COL9A3: variants seen among roughly 807,000 people sequenced by gnomAD.
The protein encoded by COL9A3 is collagen alpha-3(IX) chain.
In COL9A3, 82 loss-of-function variants were observed where a neutral mutation model predicts 110.2. The observed-to-expected ratio is 0.74, with a 90% CI of 0.62 to 0.89. The LOEUF is 0.89. Ranked by LOEUF, COL9A3 falls within the 40% of genes least tolerant of loss-of-function variation. COL9A3 has a pLI of 0.00. For missense variants in COL9A3, 1,066 were observed against 981.3 expected, an observed-to-expected ratio of 1.09 and a Z score of -1.15; for synonymous variants, 494 against 403.8, an observed-to-expected ratio of 1.22 and a Z score of -2.68.
intron 26 of COL9A3, among the ~76,000 whole-genome samples, chr20:62,834,155 C>T (rs546712028): frequency 4.6e-5 from 7 of 151,822 alleles, no homozygotes; most frequent in African/African-American, 1.2e-4. Flanking sequence ...ATTACAGGTA[C>T]GAGCCACCGC....
rs1236764862 is a variant in COL9A3, at chr20:62,824,498, C to A, written c.573C>A (p.Phe191Leu). The A allele has an allele frequency of 6.3e-7, 1 of 1,592,716 alleles. No homozygotes were observed. Among genetic ancestry groups the A allele is most frequent in the Non-Finnish European group, 8.5e-7 (1 of 1,170,332 alleles). Reference sequence around the variant, plus strand: ...CAGGGCCCCCTGGAATGCCAGGGTTCAAGGTGAGTCACGGGTGACTGGGAC... The same window carrying A: ...CAGGGCCCCCTGGAATGCCAGGGTTAAAGGTGAGTCACGGGTGACTGGGAC... ...GPPGPPGMPG[F>L]KGPTGYKGEQ... Residue 191 changes from phenylalanine to leucine, a missense_variant, in exon 11 of 32, where the codon TTC becomes TTA. Physicochemically the swap from Phe to Leu is conservative, Grantham distance 22 (BLOSUM62 0). Coordinates refer to ENST00000649368, the MANE Select transcript of COL9A3 (RefSeq NM_001853.4).
At position 62,836,308 on chromosome 20, in the gene COL9A3, G is replaced by A. The variant is rs1373430072; in HGVS notation, c.1523G>A (p.Gly508Asp). The A allele has an allele frequency of 1.9e-6, 3 of 1,613,778 alleles. No homozygotes were observed. The highest frequency in any genetic ancestry group is 2.5e-6 in the Non-Finnish European group (3 of 1,180,028). The change falls in exon 28 of 32, where the codon GGC becomes GAC. Residue 508 changes from glycine (G) to aspartate (D), a missense_variant. Physicochemically the swap from Gly to Asp is moderately conservative, Grantham distance 94 (BLOSUM62 -1). Transcript: ENST00000649368. ...CTGCAGGGCGTCCCGGGTGTTCCTGGCATCACGGGGAAGCCGGGAGTTCCG... is the reference window on the plus strand; with the variant it reads ...CTGCAGGGCGTCCCGGGTGTTCCTGACATCACGGGGAAGCCGGGAGTTCCG... ...LGLQGVPGVPGITGKPGVPGK... is the reference protein window; with the variant it reads ...LGLQGVPGVPDITGKPGVPGK...
intron 17 of COL9A3, 68 bp downstream of exon 17, chr20:62,828,044 C>G: frequency 1.3e-6 from 2 of 1,534,996 alleles, no homozygotes; most frequent in East Asian, 2.3e-5. Context: ...GTGGAGATGG[C>G]ATTCAGAAGG....
chr20:62,840,400 C>T (rs2063667568), intron 31 of COL9A3, 142 bp from the exon 32 acceptor site: 4 of 825,374 alleles, frequency 4.8e-6, no homozygotes, highest in East Asian at 2.5e-5. Flanking sequence ...GTGCCGTTCC[C>T]TCGGCCTCCC....
At chr20:62,820,132 G>A (rs1991071597) in intron 5 of COL9A3, 150 bp downstream of exon 5, 3 of 892,446 alleles carry the variant, frequency 3.4e-6, no homozygotes, top group Admixed American at 2.0e-5. Flanking sequence ...AGAAGGGCAG[G>A]GTGCCAAGTG....
chr20:62,819,209 T>C lies in COL9A3; in HGVS notation c.184-13T>C, dbSNP rs1182352940. On this transcript the variant is annotated splice_polypyrimidine_tract_variant and intron_variant, in intron 3 of 31. Coordinates refer to ENST00000649368, the MANE Select transcript of COL9A3 (RefSeq NM_001853.4). Reference sequence around the variant, plus strand: ...ACCCCGCCTTCACATCTCTGCCCTTTCCTCCTGCACAGGGACCAAAGGGGG... The same window carrying C: ...ACCCCGCCTTCACATCTCTGCCCTTCCCTCCTGCACAGGGACCAAAGGGGG... 6.2e-7 allele frequency: 1 copy of C among 1,612,398 alleles called. No individual in the cohort carries two copies.
At chr20:62,817,894 G>A (rs960348228) in intron 2 of COL9A3, 6 of 617,466 alleles carry the variant, frequency 9.7e-6, no homozygotes, top group Non-Finnish European at 1.2e-5. Context: ...GTCCCCTGAG[G>A]GGCCCGTGCC....
intron 22 of COL9A3, 150 bp downstream of exon 22, chr20:62,829,969 C>T: frequency 7.0e-6 from 7 of 993,114 alleles, no homozygotes; most frequent in Non-Finnish European, 1.0e-5. Context: ...GGGGCCCCAT[C>T]TTCTTGTCCC....
Position 62,836,265 on chromosome 20 carries a change from C to T in COL9A3, c.1480C>T (p.Pro494Ser), listed in dbSNP as rs747039261. The T allele has an allele frequency of 3.7e-6, 6 of 1,613,540 alleles. No individual in the cohort carries two copies. Among genetic ancestry groups the T allele is most frequent in the East Asian group, 2.2e-5 (1 of 44,882 alleles). The change falls in exon 28 of 32, where the codon CCC (proline) becomes TCC (serine). Residue 494 changes from proline (P) to serine (S), a missense_variant. By Grantham distance (74) the Pro-to-Ser change is moderately conservative. Transcript: ENST00000649368. ...GTSGVQGVPGPPGPLGLQGVP... is the reference protein window; with the variant it reads ...GTSGVQGVPGSPGPLGLQGVP... ...CAGCGGTGTTCAGGGTGTCCCCGGG[C>T]CCCCCGGTCCTCTGGGCCTGCAGGG...
intron 4 of COL9A3, among the ~76,000 whole-genome samples, chr20:62,819,726 G>T (rs752095733): frequency 2.6e-5 from 4 of 152,172 alleles, no homozygotes; most frequent in African/African-American, 9.7e-5. Context: ...CTGGCTTCCC[G>T]CTGGCTGCCC....
intron 4 of COL9A3, 40 bp from the exon 5 acceptor site, chr20:62,819,889 C>T: frequency 6.2e-7 from 1 of 1,611,698 alleles, no homozygotes; most frequent in Non-Finnish European, 8.5e-7. Context: ...GCATGTGCTT[C>T]CCATGTGGCC....
rs1015948950 is a variant in COL9A3 at position 62,831,831 on chromosome 20, C to G, written c.1288-323C>G. The G allele has an allele frequency of 7.5e-5, 33 of 441,924 alleles. 1 individual carries two copies. Among genetic ancestry groups the G allele is most frequent in the Non-Finnish European group, 1.4e-4 (33 of 236,486 alleles). 27.4% of individuals were successfully genotyped at this position (441,924 alleles called of 1,614,324 possible). A position where few individuals can be genotyped will look rare whatever the true frequency, so the allele number is the denominator to read the frequency against. The stretch of plus-strand genomic sequence containing the variant: ...TGCCGGGGGAAGGTGATTAGATGAG[C>G]TTTTGCATCTTTGACTCTACTGTGA... On this transcript the variant is annotated intron_variant, in intron 24 of 31. Transcript: ENST00000649368.
At chr20:62,835,149 C>T (rs1040752354) in intron 26 of COL9A3, among the ~76,000 whole-genome samples, 1 of 152,260 alleles carries the variant, frequency 6.6e-6, no homozygotes, top group East Asian at 1.9e-4. Flanking sequence ...TGGGCCCGGT[C>T]GGTCCCTCTG....
At position 62,840,532 on chromosome 20, in the gene COL9A3, C is replaced by G. The variant is rs556939534; in HGVS notation, c.1865-10C>G. On this transcript the variant is annotated splice_polypyrimidine_tract_variant and intron_variant, in intron 31 of 31. Transcript: ENST00000649368. ...CTGCAGCTGAACTCACCTTTCTGCT[C>G]TGTCCCAAGGACCCCAAGGCGTGCC... 17 of 1,611,120 alleles carry G rather than the reference C, an allele frequency of 1.1e-5. No individual in the cohort carries two copies. The South Asian group carries it at 1.5e-4, about 15-fold the overall frequency.
chr20:62,828,253 C>T lies in COL9A3; in HGVS notation c.900+277C>T, dbSNP rs548442780. Among the ~76,000 whole-genome samples, 7 of 152,312 alleles carry T rather than the reference C, an allele frequency of 4.6e-5. No individual in the cohort carries two copies. In the South Asian group the frequency reaches 1.2e-3, roughly 27 times the overall value. On this transcript the variant is annotated intron_variant, in intron 17 of 31. Transcript: ENST00000649368. ...GCACCACTGGGCAGAGGTGGGCACT[C>T]CCAGGGTCCCGGGCACCCATGCGGG...
chr20:62,836,742 A>G, intron 29 of COL9A3: 1 of 633,018 alleles, frequency 1.6e-6, no homozygotes, highest in East Asian at 2.7e-5. Context: ...CCCGCCCCGG[A>G]TTCAACCAGA....
intron 29 of COL9A3, 168 bp downstream of exon 29, chr20:62,836,700 CCTGTCCT>C: frequency 2.7e-6 from 2 of 745,576 alleles, no homozygotes; most frequent in African/African-American, 3.5e-5. Flanking sequence ...TTGGCGTCTG[CCTGTCCT>C]CTGCGCTAGA....
At chr20:62,817,323 C>T (rs1990961067) in intron 1 of COL9A3, 181 bp downstream of exon 1, 2 of 512,674 alleles carry the variant, frequency 3.9e-6, no homozygotes, top group South Asian at 4.1e-5. Context: ...TGGGTCCTCG[C>T]TGGCCCGGGT....
rs757981924 is a variant in COL9A3 at position 62,826,239 on chromosome 20, C to T, written c.720C>T (p.Leu240=). The change falls in exon 14 of 32, where the codon CTC becomes CTT. Residue 240 remains leucine, a synonymous_variant. Coordinates refer to ENST00000649368, the MANE Select transcript of COL9A3 (RefSeq NM_001853.4). ...GATTACGAGGACTGCCAGGGCCACT[C>T]GGGCCCCCTGGGGACCGGGTAAGTC... ...PRGLRGLPGP[L]GPPGDRGPIG... The T allele has an allele frequency of 6.4e-6, 10 of 1,557,348 alleles. 1 individual carries two copies. The highest frequency in any genetic ancestry group is 1.9e-5 in the Admixed American group (1 of 52,262).
Sources: gnomAD v4.1 joint callset for allele counts (sites outside exome capture counted in the v4.1 genomes callset) on GRCh38, gnomAD v4.1.1 for gene constraint, MANE v1.5 for transcripts, NCBI Gene and HGNC (gene_info 2026-07-23, HGNC 2026-07-21) for gene names.